GML: variants seen among roughly 807,000 people sequenced by gnomAD.
GML encodes the protein glycosylphosphatidylinositol anchored molecule like, also known as glycosyl-phosphatidylinositol-anchored molecule-like protein.
GML carries 5 observed loss-of-function variants against 8.2 expected under a neutral mutation model. That is an observed-to-expected ratio of 0.61 (90% confidence interval 0.32 to 1.28). The LOEUF (loss-of-function observed/expected upper bound fraction) is 1.28, where lower values mean the gene tolerates loss of function less well. GML is among the 50% of genes most tolerant of loss of function. The pLI, the probability that GML is intolerant of heterozygous loss-of-function variation, is 0.06. For missense variants in GML, 191 were observed against 198.3 expected, an observed-to-expected ratio of 0.96 and a Z score of 0.22; for synonymous variants, 72 against 69.0, an observed-to-expected ratio of 1.04 and a Z score of -0.22.
At chr8:142,841,408 T>G (rs1346351170) in intron 3 of GML, among the ~76,000 whole-genome samples, 183 bp downstream of exon 3, 2 of 152,162 alleles carry the variant, frequency 1.3e-5, no homozygotes, top group African/African-American at 4.8e-5. Flanking sequence ...CCAGCATGCA[T>G]CATCTTGTAG....
In GML at chr8:142,838,456, C is replaced by A. The variant is rs548315406; in HGVS notation, c.-22-1960C>A. ...GTATGTCCCCCTCCAGTGATGGTTT[C>A]TGTTGGCTTCCCAGGGTGAGGATGA... On this transcript the variant is annotated intron_variant, in intron 1 of 3. Transcript: ENST00000220940. Among the ~76,000 whole-genome samples, 31 of 152,274 alleles carry A rather than the reference C, an allele frequency of 2.0e-4. No homozygotes were observed. The South Asian group carries it at 6.2e-3, about 31-fold the overall frequency.
intron 1 of GML, among the ~76,000 whole-genome samples, chr8:142,838,706 T>G (rs1272458440): frequency 2.0e-5 from 3 of 152,134 alleles, no homozygotes; most frequent in Admixed American, 6.5e-5. Flanking sequence ...CTCTGACACC[T>G]TTAGTCTTGA....
chr8:142,844,420 T>C (rs1816478744), intron 3 of GML, among the ~76,000 whole-genome samples: 1 of 152,186 alleles, frequency 6.6e-6, no homozygotes, highest in Non-Finnish European at 1.5e-5. Context: ...TCGAACAAAA[T>C]AGTGCTAGTC....
At chr8:142,844,303 T>A (rs1360958344) in intron 3 of GML, among the ~76,000 whole-genome samples, 1 of 152,192 alleles carries the variant, frequency 6.6e-6, no homozygotes, top group Non-Finnish European at 1.5e-5. Context: ...AAAGAAGCAG[T>A]TTCAGGTGGT....
chr8:142,840,541 G>T (rs951851785), intron 2 of GML, 31 bp downstream of exon 2: 3 of 1,524,228 alleles, frequency 2.0e-6, no homozygotes, highest in Non-Finnish European at 2.7e-6. Context: ...CTGTCCTGGA[G>T]AGGACGAGAA....
chr8:142,841,406 C>T (rs532028667), intron 3 of GML, among the ~76,000 whole-genome samples, 181 bp downstream of exon 3: 8 of 152,280 alleles, frequency 5.3e-5, no homozygotes, highest in Middle Eastern at 3.4e-3. Context: ...GGCCAGCATG[C>T]ATCATCTTGT....
intron 1 of GML, among the ~76,000 whole-genome samples, chr8:142,839,641 C>T (rs1299313057): frequency 6.6e-6 from 1 of 152,162 alleles, no homozygotes; most frequent in Non-Finnish European, 1.5e-5. Context: ...TGGAGCTTCC[C>T]CCTTGAGTCG....
At chr8:142,843,607 A>G (rs961044850) in intron 3 of GML, among the ~76,000 whole-genome samples, 1 of 152,248 alleles carries the variant, frequency 6.6e-6, no homozygotes, top group Non-Finnish European at 1.5e-5. Context: ...ACAAACTTCA[A>G]ATAACAAATA....
intron 1 of GML, among the ~76,000 whole-genome samples, chr8:142,835,763 G>A (rs1816331195): frequency 6.6e-6 from 1 of 152,122 alleles, no homozygotes; most frequent in African/African-American, 2.4e-5. Flanking sequence ...CTCAGTGTCC[G>A]AAACTGCATT....
At chr8:142,842,130 A>G (rs1210530027) in intron 3 of GML, among the ~76,000 whole-genome samples, 3 of 152,068 alleles carry the variant, frequency 2.0e-5, no homozygotes, top group Non-Finnish European at 4.4e-5. Flanking sequence ...GTGAGTTCCC[A>G]CAAGATCTGA....
chr8:142,845,523 C>T (rs1052101031), intron 3 of GML, among the ~76,000 whole-genome samples: 1 of 152,176 alleles, frequency 6.6e-6, no homozygotes, highest in African/African-American at 2.4e-5. Flanking sequence ...GGAGACAAGA[C>T]CCAGAGCCAT....
At chr8:142,840,256 C>T (rs1586543870) in intron 1 of GML, among the ~76,000 whole-genome samples, 160 bp from the exon 2 acceptor site, 2 of 152,302 alleles carry the variant, frequency 1.3e-5, no homozygotes, top group Admixed American at 6.5e-5. Context: ...GTGAGACCTG[C>T]CCGACCCCAG....
In GML at chr8:142,846,390, T is replaced by G; in HGVS notation, c.182-5T>G. On this transcript the variant is annotated splice_region_variant and splice_polypyrimidine_tract_variant and intron_variant, in intron 3 of 3. Coordinates refer to ENST00000220940, the MANE Select transcript of GML (RefSeq NM_002066.3). ...AATTATTTTCATTGCTGCTTCTTTT[T>G]TTAGGCATAAATTCTCGTGAACTAC... The G allele has an allele frequency of 6.4e-7, 1 of 1,572,624 alleles. No homozygotes were observed. The highest frequency in any genetic ancestry group is 8.7e-7 in the Non-Finnish European group (1 of 1,151,396).
Position 142,841,221 on chromosome 8 carries a change from C to T in GML, c.177C>T (p.Ser59=), listed in dbSNP as rs866709748. 2 of 1,397,994 alleles carry T rather than the reference C, an allele frequency of 1.4e-6. No homozygotes were observed. Among genetic ancestry groups the T allele is most frequent in the Non-Finnish European group, 2.0e-6 (2 of 984,016 alleles). 86.6% of individuals were successfully genotyped at this position (1,397,994 alleles called of 1,614,324 possible). Residue 59 remains serine (S), a synonymous_variant, in exon 3 of 4, where the codon TCC becomes TCT. Transcript: ENST00000220940. ...PYHIRRCMTI[S]IRINSRELLV... is the part of the protein sequence containing the mutation. ...ATATTAGGCGCTGTATGACAATCTC[C>T]ATTCGTAAGTACCTCTTTGTCATTT...
chr8:142,842,381 G>T (rs1280748337), intron 3 of GML, among the ~76,000 whole-genome samples: 1 of 152,196 alleles, frequency 6.6e-6, no homozygotes, highest in Non-Finnish European at 1.5e-5. Flanking sequence ...TGGGACATGG[G>T]CAGGAGGCTG....
chr8:142,837,657 C>T (rs1003947995), intron 1 of GML, among the ~76,000 whole-genome samples: 1 of 145,648 alleles, frequency 6.9e-6, no homozygotes, highest in African/African-American at 2.6e-5. Flanking sequence ...ACCGAATCCT[C>T]AGCTCGGACA....
At chr8:142,843,863 T>C (rs1816470042) in intron 3 of GML, among the ~76,000 whole-genome samples, 1 of 152,210 alleles carries the variant, frequency 6.6e-6, no homozygotes, top group African/African-American at 2.4e-5. Context: ...TTGTACACTA[T>C]ACTTATGGAT....
intron 2 of GML, 84 bp downstream of exon 2, chr8:142,840,594 C>T: frequency 1.2e-5 from 12 of 984,728 alleles, no homozygotes; most frequent in South Asian, 2.6e-5. Context: ...TTGGCTGCAA[C>T]GTGGAGCAAG....
chr8:142,843,513 T>A (rs999581803), intron 3 of GML, among the ~76,000 whole-genome samples: 2 of 152,158 alleles, frequency 1.3e-5, no homozygotes, highest in African/African-American at 4.8e-5. Context: ...AGTTGTTAGG[T>A]AGTTCAGTTA....
Sources: allele counts gnomAD v4.1 joint callset (sites outside exome capture counted in the v4.1 genomes callset), GRCh38; gene constraint gnomAD v4.1.1; transcripts MANE v1.5; gene names NCBI Gene and HGNC (gene_info 2026-07-23, HGNC 2026-07-21).